ENG: variants seen among roughly 807,000 people sequenced by gnomAD.
The protein encoded by ENG is CD105 antigen.
In ENG, 17 loss-of-function variants were observed where a neutral mutation model predicts 71.0. That is an observed-to-expected ratio of 0.24 (90% CI 0.16 to 0.36). The LOEUF is 0.36. ENG is among the 10% of genes least tolerant of loss of function. The pLI is 1.00. For missense variants in ENG, 749 were observed against 868.3 expected (o/e 0.86, Z 1.73); for synonymous variants, 360 against 366.9 (o/e 0.98, Z 0.21).
Position 127,846,975 on chromosome 9 carries a change from G to A in ENG, c.68-3730C>T. 5.1e-6 allele frequency: 5 copies of A among 984,922 alleles called. No homozygotes were observed. The highest frequency in any genetic ancestry group is 6.0e-6 in the Non-Finnish European group (5 of 829,472). 61.0% of individuals were successfully genotyped at this position (984,922 alleles called of 1,614,324 possible). A position where few individuals can be genotyped will look rare whatever the true frequency, so the allele number is the denominator to read the frequency against. On this transcript the variant is annotated intron_variant, in intron 1 of 14. Coordinates refer to ENST00000373203, the MANE Select transcript of ENG (RefSeq NM_001114753.3). This position sits in a 1 kb window ranked among gnomAD's most constrained non-coding sequence, Gnocchi z 5.5. ...GATGATCAAGAAAAACAGCTCTGGA[G>A]CCAGATGGCCTGGATCAAATCCCAG...
intron 8 of ENG, among the ~76,000 whole-genome samples, chr9:127,823,898 C>T (rs937930376): frequency 2.6e-5 from 4 of 151,856 alleles, no homozygotes; most frequent in Admixed American, 1.3e-4. Context: ...CCAGGCTGGT[C>T]TCAAACTCCT....
intron 3 of ENG, chr9:127,826,993 T>C: frequency 2.7e-6 from 1 of 374,920 alleles, no homozygotes; most frequent in Non-Finnish European, 5.1e-6. Flanking sequence ...CCCTATACCC[T>C]GAGGCTCTGG....
intron 5 of ENG, 109 bp downstream of exon 5, chr9:127,825,586 G>T: frequency 7.8e-7 from 1 of 1,275,566 alleles, no homozygotes; most frequent in Non-Finnish European, 1.1e-6. Flanking sequence ...CGGGGCTGGG[G>T]CTGGGACTGG....
At chr9:127,816,688 T>A in intron 13 of ENG, 2 of 253,846 alleles carry the variant, frequency 7.9e-6, no homozygotes, top group Non-Finnish European at 7.8e-6. Context: ...CCCCTGCCTC[T>A]GCCACCAGTG....
In ENG at chr9:127,823,673, CTTTTTTTTTT is replaced by C. The variant is rs1017053002; in HGVS notation, c.1134+621_1134+630del. 8.1e-5 allele frequency among the ~76,000 whole-genome samples: 8 copies of C among 99,036 alleles called. No homozygotes were observed. In the South Asian group the frequency reaches 1.0e-3, roughly 13 times the overall value. The allele number at this position is 99,036 out of a possible 152,430, so 65.0% of individuals were successfully genotyped here. On this transcript the variant is annotated intron_variant, in intron 8 of 14. Transcript: ENST00000373203. Reference sequence around the variant, plus strand: ...AAAGTGCTGGGATTACAGGCACCGGCTTTTTTTTTTTTTTTTTTTTTTTTCTGAGACAGAG... The same window carrying C: ...AAAGTGCTGGGATTACAGGCACCGGCTTTTTTTTTTTTTTCTGAGACAGAG...
intron 8 of ENG, among the ~76,000 whole-genome samples, chr9:127,821,808 G>C (rs375373917): frequency 6.6e-6 from 1 of 150,754 alleles, no homozygotes; most frequent in African/African-American, 2.4e-5. Flanking sequence ...GCTTGAACCC[G>C]GGAGGCAGAG....
At chr9:127,815,876 T>A in intron 14 of ENG, 67 bp downstream of exon 14, 1 of 1,561,244 alleles carries the variant, frequency 6.4e-7, no homozygotes, top group Non-Finnish European at 8.7e-7. Flanking sequence ...CCTCAGAGGC[T>A]TCACTGGGCT....
chr9:127,819,757 C>G, intron 9 of ENG, 97 bp from the exon 10 acceptor site: 1 of 1,592,460 alleles, frequency 6.3e-7, no homozygotes, highest in Non-Finnish European at 8.6e-7. Context: ...GAGACTAAGC[C>G]AACCAATGGC....
At chr9:127,820,120 A>G (rs1830437169) in intron 8 of ENG, 83 bp from the exon 9 acceptor site, 2 of 1,536,862 alleles carry the variant, frequency 1.3e-6, no homozygotes, top group African/African-American at 1.4e-5. Flanking sequence ...ACTGACCACA[A>G]CCCAGGGGTC....
intron 2 of ENG, among the ~76,000 whole-genome samples, chr9:127,840,658 G>A (rs1831008968): frequency 6.6e-6 from 1 of 152,176 alleles, no homozygotes; most frequent in South Asian, 2.1e-4. Context: ...ACCACCCTCT[G>A]CACACCAGAT....
intron 8 of ENG, among the ~76,000 whole-genome samples, chr9:127,823,337 T>C (rs1830515645): frequency 6.6e-6 from 1 of 150,586 alleles, no homozygotes; most frequent in Non-Finnish European, 1.5e-5. Flanking sequence ...CATGTGTTAT[T>C]TTTATAACAA....
In ENG at chr9:127,826,659, A is replaced by G. The variant is rs750115837; in HGVS notation, c.374T>C (p.Val125Ala). 42 of 1,613,526 alleles carry G rather than the reference A, an allele frequency of 2.6e-5. No individual in the cohort carries two copies. The highest frequency in any genetic ancestry group is 3.6e-5 in the Non-Finnish European group (42 of 1,179,946). ...PLHLAYNSSLVTFQEPPGVNT... is the reference protein window; with the variant it reads ...PLHLAYNSSLATFQEPPGVNT... ...GACCCCCGGGGGCTCTTGGAAGGTG[A>G]CCAGGCTGGAATTCTGGGGAGACAT... The change falls in exon 4 of 15, where the codon GTC (valine) becomes GCC (alanine). Residue 125 changes from valine to alanine, a missense_variant. Coordinates refer to ENST00000373203, the MANE Select transcript of ENG (RefSeq NM_001114753.3).
intron 2 of ENG, among the ~76,000 whole-genome samples, chr9:127,833,366 A>G (rs1732009518): frequency 6.6e-6 from 1 of 151,922 alleles, no homozygotes; most frequent in Non-Finnish European, 1.5e-5. Context: ...TACTAAAAAT[A>G]CTAAATTAGC....
At chr9:127,819,777 C>T (rs1295213046) in intron 9 of ENG, 117 bp from the exon 10 acceptor site, 2 of 1,603,554 alleles carry the variant, frequency 1.2e-6, no homozygotes, top group Non-Finnish European at 1.7e-6. Flanking sequence ...CCAAGCTTGT[C>T]TTGTGTTCTG....
In ENG at chr9:127,815,575, T is replaced by C; in HGVS notation, c.*107A>G. The C allele has an allele frequency of 2.0e-6, 3 of 1,478,344 alleles. No homozygotes were observed. Among genetic ancestry groups the C allele is most frequent in the Non-Finnish European group, 2.7e-6 (3 of 1,116,508 alleles). The allele number at this position is 1,478,344 out of a possible 1,614,324, so 91.6% of individuals were successfully genotyped here. Reference sequence around the variant, plus strand: ...GGAAGGGTAGGCGCGGAGAGCAGGCTCCATTCTGGGTCGAGTGGAGGACTG... The same window carrying C: ...GGAAGGGTAGGCGCGGAGAGCAGGCCCCATTCTGGGTCGAGTGGAGGACTG... On this transcript the variant is annotated 3_prime_UTR_variant, in exon 15 of 15. Transcript: ENST00000373203.
chr9:127,848,176 A>C (rs1831216297), intron 1 of ENG, among the ~76,000 whole-genome samples: 1 of 152,128 alleles, frequency 6.6e-6, no homozygotes, highest in African/African-American at 2.4e-5. Context: ...TATCACAATT[A>C]TTTATGCCCA....
intron 1 of ENG, among the ~76,000 whole-genome samples, chr9:127,848,162 C>T (rs1831214875): frequency 6.6e-6 from 1 of 152,170 alleles, no homozygotes; most frequent in Non-Finnish European, 1.5e-5. Flanking sequence ...GAACTGGTGA[C>T]TACTATCACA....
chr9:127,815,784 G>C lies in ENG; in HGVS notation c.1875C>G (p.Pro625=). ...AGGCCGGGGCAGCCACCGCCACCAC[G>C]GGCTCCCGCTTGCTGGGGGAACCTG... The part of the protein sequence containing the change: ...SHTRSPSKRE[P]VVAVAAPASS... Residue 625 remains proline, a synonymous_variant, in exon 15 of 15, where the codon CCC becomes CCG. Transcript: ENST00000373203. 1.3e-6 allele frequency: 2 copies of C among 1,545,510 alleles called. No homozygotes were observed. Among genetic ancestry groups the C allele is most frequent in the South Asian group, 1.2e-5 (1 of 84,026 alleles).
intron 2 of ENG, among the ~76,000 whole-genome samples, chr9:127,840,051 G>T (rs1056700315): frequency 2.6e-5 from 4 of 152,240 alleles, no homozygotes; most frequent in Admixed American, 6.5e-5. Context: ...CCTGCGCTTG[G>T]TGTTTTGCTT....
Sources: allele counts gnomAD v4.1 joint callset (sites outside exome capture counted in the v4.1 genomes callset), GRCh38; gene constraint gnomAD v4.1.1; non-coding constraint Gnocchi (gnomAD v3.1); transcripts MANE v1.5; gene names NCBI Gene and HGNC (gene_info 2026-07-23, HGNC 2026-07-21).